The following ELAC1 variants were observed in gnomAD, a reference collection of about 807,000 sequenced individuals.
ELAC1 encodes elaC ribonuclease Z 1, also known as zinc phosphodiesterase ELAC protein 1.
ELAC1 carries 19 observed loss-of-function variants against 25.8 expected under a neutral mutation model. That is an observed-to-expected ratio of 0.74 (90% CI 0.51 to 1.08). The LOEUF (loss-of-function observed/expected upper bound fraction) is 1.08, where lower values mean the gene tolerates loss of function less well. Among genes scored for constraint, ELAC1 ranks in the 50% least tolerant of loss-of-function variants. The probability of loss-of-function intolerance (pLI) is 0.00; values close to 1 mark genes in which losing one functional copy is unlikely to be tolerated. For missense variants in ELAC1, 403 were observed against 434.6 expected (o/e 0.93, Z 0.65); for synonymous variants, 148 against 160.9 (o/e 0.92, Z 0.61).
In ELAC1 at chr18:50,974,393, G is replaced by T. The variant is rs1395709703; in HGVS notation, c.-8-4G>T. The T allele has an allele frequency of 2.6e-6, 4 of 1,513,668 alleles. No individual in the cohort carries two copies. The highest frequency in any genetic ancestry group is 2.3e-5 in the Admixed American group (1 of 43,086). The allele number at this position is 1,513,668 out of a possible 1,614,324, so 93.8% of individuals were successfully genotyped here. A position where few individuals can be genotyped will look rare whatever the true frequency, so the allele number is the denominator to read the frequency against. On this transcript the variant is annotated splice_polypyrimidine_tract_variant and splice_region_variant and intron_variant, in intron 1 of 3. Coordinates refer to ENST00000269466, the MANE Select transcript of ELAC1 (RefSeq NM_018696.3). ...ATAATCCCCAGATGATCTTTCTGTT[G>T]CAGGGTGGAAGATGTCTATGGATGT...
intron 1 of ELAC1, among the ~76,000 whole-genome samples, chr18:50,971,355 A>G (rs1907646467): frequency 6.6e-6 from 1 of 152,092 alleles, no homozygotes; most frequent in Admixed American, 6.6e-5. Flanking sequence ...CTCTATTGAT[A>G]TTTGCCTGCC....
At chr18:50,975,786 T>C (rs1330148236) in intron 2 of ELAC1, among the ~76,000 whole-genome samples, 1 of 152,094 alleles carries the variant, frequency 6.6e-6, no homozygotes, top group Non-Finnish European at 1.5e-5. Context: ...TAATCAATCA[T>C]GTAATGTGAT....
Position 50,982,986 on chromosome 18 carries a change from T to G in ELAC1, c.158-1110T>G, listed in dbSNP as rs567571731. ...AGGCAATTTTGGGTTCAGGCACTGG[T>G]CCAGTCAGTTGGAGCCAGTGGAACA... is the stretch of plus-strand genomic sequence containing the variant. On this transcript the variant is annotated intron_variant, in intron 2 of 3. Coordinates refer to ENST00000269466, the MANE Select transcript of ELAC1 (RefSeq NM_018696.3). Among the ~76,000 whole-genome samples, 5 of 152,142 alleles carry G rather than the reference T, an allele frequency of 3.3e-5. No homozygotes were observed. The South Asian group carries it at 1.0e-3, about 32-fold the overall frequency.
chr18:50,985,267 G>A (rs940884758), intron 3 of ELAC1, among the ~76,000 whole-genome samples: 3 of 152,130 alleles, frequency 2.0e-5, no homozygotes, highest in African/African-American at 4.8e-5. Flanking sequence ...TTTTGCCATC[G>A]TTCTTAACCT....
intron 3 of ELAC1, 47 bp from the exon 4 acceptor site, chr18:50,986,572 C>A (rs945718401): frequency 3.5e-6 from 5 of 1,441,194 alleles, no homozygotes; most frequent in South Asian, 1.3e-5. Flanking sequence ...CTTGAAAAGT[C>A]ATAAATTCCA....
At chr18:50,981,492 CAT>C (rs966493565) in intron 2 of ELAC1, among the ~76,000 whole-genome samples, 8 of 152,086 alleles carry the variant, frequency 5.3e-5, no homozygotes, top group Non-Finnish European at 8.8e-5. Flanking sequence ...CTCAATATTC[CAT>C]TCCTCTGTGG....
At chr18:50,977,641 C>A (rs552413886) in intron 2 of ELAC1, among the ~76,000 whole-genome samples, 1 of 152,326 alleles carries the variant, frequency 6.6e-6, no homozygotes, top group East Asian at 1.9e-4. Context: ...AACATTTTCC[C>A]CATTGTCTTG....
In ELAC1 at chr18:50,987,526, A is replaced by G. The variant is rs1394657070; in HGVS notation, c.*441A>G. 3 of 154,142 alleles carry G rather than the reference A, an allele frequency of 1.9e-5. No homozygotes were observed. Among genetic ancestry groups the G allele is most frequent in the African/African-American group, 7.2e-5 (3 of 41,550 alleles). The allele number at this position is 154,142 out of a possible 1,614,324, so 9.5% of individuals were successfully genotyped here. A position where few individuals can be genotyped will look rare whatever the true frequency, so the allele number is the denominator to read the frequency against. ...TAACAGAAGAGGGAGAAATGTCATG[A>G]GACGTTGGACAGGCAGGATTGATGA... is the stretch of plus-strand genomic sequence containing the variant. On this transcript the variant is annotated 3_prime_UTR_variant, in exon 4 of 4. Transcript: ENST00000269466.
rs140850063 is a variant in ELAC1 at position 50,971,126 on chromosome 18, C to T, written c.-9+3012C>T. ...CATATTTTAGCCATCTTGAGAGCAA[C>T]ACAATACACGTCATTTTACATAGCT... On this transcript the variant is annotated intron_variant, in intron 1 of 3. Coordinates refer to ENST00000269466, the MANE Select transcript of ELAC1 (RefSeq NM_018696.3). Among the ~76,000 whole-genome samples the T allele has an allele frequency of 2.0e-3, 301 of 152,326 alleles. 2 individuals are homozygous for T. The highest frequency in any genetic ancestry group is 7.0e-3 in the African/African-American group (289 of 41,566).
chr18:50,984,343 A>G lies in ELAC1; in HGVS notation c.405A>G (p.Leu135=), dbSNP rs781333943. Residue 135 remains leucine (L), a synonymous_variant, in exon 3 of 4, where the codon CTA becomes CTG. Coordinates refer to ENST00000269466, the MANE Select transcript of ELAC1 (RefSeq NM_018696.3). ...PTADQCPAEE[L]KEFAHVNRAD... is the part of the protein sequence containing the mutation. ...CAGATCAATGTCCTGCAGAAGAACT[A>G]AAAGAATTTGCGCATGTGAATAGAG... is the stretch of plus-strand genomic sequence containing the variant. 4 of 1,614,226 alleles carry G rather than the reference A, an allele frequency of 2.5e-6. No homozygotes were observed. Among genetic ancestry groups the G allele is most frequent in the Non-Finnish European group, 2.5e-6 (3 of 1,180,030 alleles).
chr18:50,970,553 G>T (rs552153604), intron 1 of ELAC1, among the ~76,000 whole-genome samples: 3 of 152,146 alleles, frequency 2.0e-5, no homozygotes, highest in African/African-American at 7.2e-5. Flanking sequence ...TAACCTCAAC[G>T]CTATGCTTAA....
intron 3 of ELAC1, chr18:50,984,900 C>G: frequency 2.8e-6 from 1 of 354,802 alleles, no homozygotes; most frequent in Non-Finnish European, 5.0e-6. Flanking sequence ...TTACTATACT[C>G]CAGCTTGGGT....
chr18:50,978,518 A>G (rs2078076836), intron 2 of ELAC1, among the ~76,000 whole-genome samples: 2 of 152,176 alleles, frequency 1.3e-5, no homozygotes, highest in Admixed American at 6.5e-5. Context: ...CTGTCACGAG[A>G]ACAGCATGAG....
chr18:50,983,165 T>G (rs917555670), intron 2 of ELAC1, among the ~76,000 whole-genome samples: 2 of 132,398 alleles, frequency 1.5e-5, no homozygotes, highest in Non-Finnish European at 3.1e-5. Context: ...GTTTTTTTTT[T>G]TTTTTTTTTT....
chr18:50,982,749 T>G (rs1057251704), intron 2 of ELAC1, among the ~76,000 whole-genome samples: 1 of 152,340 alleles, frequency 6.6e-6, no homozygotes, highest in East Asian at 1.9e-4. Context: ...ACATAATAGC[T>G]TAGGGGATCG....
At chr18:50,980,624 G>C (rs186583197) in intron 2 of ELAC1, among the ~76,000 whole-genome samples, 277 of 151,848 alleles carry the variant, frequency 1.8e-3, no homozygotes, top group Non-Finnish European at 3.1e-3. Flanking sequence ...TTAGCTGGGC[G>C]TGGTGGCGGG....
intron 2 of ELAC1, among the ~76,000 whole-genome samples, chr18:50,982,942 A>G (rs1907992682): frequency 6.6e-6 from 1 of 151,968 alleles, no homozygotes; most frequent in Non-Finnish European, 1.5e-5. Context: ...ATCGCTGTCC[A>G]GTATAGGGAG....
At position 50,980,427 on chromosome 18, in the gene ELAC1, C is replaced by T. The variant is rs138144569; in HGVS notation, c.158-3669C>T. Among the ~76,000 whole-genome samples, 21 of 151,932 alleles carry T rather than the reference C, an allele frequency of 1.4e-4. No individual in the cohort carries two copies. In the East Asian group the frequency reaches 3.9e-3, roughly 28 times the overall value. On this transcript the variant is annotated intron_variant, in intron 2 of 3. Coordinates refer to ENST00000269466, the MANE Select transcript of ELAC1 (RefSeq NM_018696.3). ...AACAAAAAAAACACAACCCCAAAAG[C>T]CCAAAGGAACCTTTAGTTTACTACA...
intron 2 of ELAC1, among the ~76,000 whole-genome samples, chr18:50,982,711 G>A (rs1907985926): frequency 6.6e-6 from 1 of 152,222 alleles, no homozygotes; most frequent in African/African-American, 2.4e-5. Context: ...AGTTCAGACT[G>A]AAAGGAAGAA....
Sources: allele counts gnomAD v4.1 joint callset (sites outside exome capture counted in the v4.1 genomes callset), GRCh38; gene constraint gnomAD v4.1.1; transcripts MANE v1.5; gene names NCBI Gene and HGNC (gene_info 2026-07-23, HGNC 2026-07-21).